GABRG3: variants seen among roughly 807,000 people sequenced by gnomAD.
GABRG3 encodes gamma-aminobutyric acid receptor subunit gamma-3.
A neutral mutation model predicts 48.8 loss-of-function variants in GABRG3; 25 were observed. The ratio of observed to expected loss-of-function variants is 0.51; its 90% CI spans 0.37 to 0.72. GABRG3 has a LOEUF of 0.72. Ranked by LOEUF, GABRG3 falls within the 30% of genes least tolerant of loss-of-function variation. The pLI is 0.00. For missense variants in GABRG3, 394 were observed against 577.9 expected (o/e 0.68, Z 3.26); for synonymous variants, 227 against 217.6 (o/e 1.04, Z -0.38).
At chr15:27,085,912 T>G (rs1418502443) in intron 3 of GABRG3, among the ~76,000 whole-genome samples, 2 of 152,184 alleles carry the variant, frequency 1.3e-5, no homozygotes, top group East Asian at 3.8e-4. Context: ...GCTTTTAGAT[T>G]CAGAATAGTG....
chr15:27,082,393 G>A (rs918478009), intron 3 of GABRG3, among the ~76,000 whole-genome samples: 1 of 152,154 alleles, frequency 6.6e-6, no homozygotes, highest in Admixed American at 6.5e-5. Context: ...GCATTTATGC[G>A]GGGAACGCAC....
chr15:27,384,214 C>G (rs560265813), intron 5 of GABRG3, among the ~76,000 whole-genome samples: 145 of 152,276 alleles, frequency 9.5e-4, no homozygotes, highest in African/African-American at 3.0e-3. Flanking sequence ...AGAAAATACC[C>G]AGGATACAGC....
chr15:27,033,256 C>T (rs1332059822), intron 3 of GABRG3, among the ~76,000 whole-genome samples: 1 of 152,028 alleles, frequency 6.6e-6, no homozygotes, highest in Non-Finnish European at 1.5e-5. Flanking sequence ...AAGTGGCGTG[C>T]AGGAAATGTT....
intron 5 of GABRG3, among the ~76,000 whole-genome samples, chr15:27,405,307 A>T (rs1887597208): frequency 6.6e-6 from 1 of 152,258 alleles, no homozygotes; most frequent in African/African-American, 2.4e-5. Flanking sequence ...ATCCATGATC[A>T]GTAGATAATG....
intron 5 of GABRG3, among the ~76,000 whole-genome samples, chr15:27,431,849 G>A (rs796652706): frequency 7.0e-4 from 106 of 152,182 alleles, no homozygotes; most frequent in African/African-American, 2.5e-3. Context: ...TTGCATTCAC[G>A]CTCTTGTTTA....
rs1362936209 is a variant in GABRG3, at chr15:27,231,145, C to T, written c.271-95664C>T. 6.6e-5 allele frequency among the ~76,000 whole-genome samples: 10 copies of T among 151,848 alleles called. 1 individual carries two copies. Among genetic ancestry groups the T allele is most frequent in the East Asian group, 1.9e-4 (1 of 5,188 alleles). ...ATCAAATATCCATATCTCAAACCTA[C>T]GTTTTTAGGTACATACATACAAGTG... On this transcript the variant is annotated intron_variant, in intron 3 of 9. Transcript: ENST00000615808.
chr15:27,444,766 T>C (rs1229213046), intron 5 of GABRG3, among the ~76,000 whole-genome samples: 2 of 152,248 alleles, frequency 1.3e-5, no homozygotes, highest in African/African-American at 4.8e-5. Context: ...TTTCACTCTC[T>C]ATTGGGAGTT....
intron 3 of GABRG3, among the ~76,000 whole-genome samples, chr15:27,239,762 C>T (rs1296698946): frequency 6.6e-6 from 1 of 152,084 alleles, no homozygotes; most frequent in Non-Finnish European, 1.5e-5. Context: ...TGCCATTTTT[C>T]TAAAAATGTA....
intron 3 of GABRG3, among the ~76,000 whole-genome samples, chr15:27,299,607 T>C (rs1400749839): frequency 6.6e-6 from 1 of 152,110 alleles, no homozygotes; most frequent in African/African-American, 2.4e-5. Context: ...TCCCATTTCC[T>C]CCATTCTCTC....
chr15:27,219,627 C>G (rs974409975), intron 3 of GABRG3, among the ~76,000 whole-genome samples: 1 of 152,162 alleles, frequency 6.6e-6, no homozygotes, highest in Admixed American at 6.5e-5. Flanking sequence ...ACCTCTGTGC[C>G]CACCAGGCAG....
intron 3 of GABRG3, among the ~76,000 whole-genome samples, chr15:27,210,596 A>G (rs926263390): frequency 3.9e-5 from 6 of 152,210 alleles, no homozygotes; most frequent in Non-Finnish European, 8.8e-5. Context: ...TGTGCCTGAT[A>G]AATGGAGACT....
intron 2 of GABRG3, among the ~76,000 whole-genome samples, chr15:27,000,019 T>C (rs1158933904): frequency 6.6e-6 from 1 of 152,196 alleles, no homozygotes; most frequent in Non-Finnish European, 1.5e-5. Context: ...TAAAATTTTT[T>C]CAACATATGG....
At chr15:27,471,613 T>C (rs973888575) in intron 5 of GABRG3, among the ~76,000 whole-genome samples, 5 of 152,216 alleles carry the variant, frequency 3.3e-5, no homozygotes. Context: ...AGTTAGGTCA[T>C]ATCTGTTTCC....
intron 5 of GABRG3, among the ~76,000 whole-genome samples, chr15:27,478,385 C>G (rs1453646018): frequency 2.0e-5 from 3 of 152,010 alleles, no homozygotes; most frequent in Non-Finnish European, 4.4e-5. Context: ...TACATATGGC[C>G]AACAAAAGCA....
At chr15:27,481,845 A>T (rs1205032489) in intron 6 of GABRG3, among the ~76,000 whole-genome samples, 1 of 152,152 alleles carries the variant, frequency 6.6e-6, no homozygotes, top group Admixed American at 6.5e-5. Flanking sequence ...ACGTTTTGGG[A>T]TGCTTGCTCC....
At chr15:26,980,151 C>T (rs139348016) in intron 2 of GABRG3, among the ~76,000 whole-genome samples, 36 of 152,062 alleles carry the variant, frequency 2.4e-4, no homozygotes, top group African/African-American at 6.8e-4. Context: ...TCTGTAGGAC[C>T]TATAATAATA....
intron 3 of GABRG3, among the ~76,000 whole-genome samples, chr15:27,275,962 G>T (rs1891238510): frequency 6.6e-6 from 1 of 152,200 alleles, no homozygotes. Flanking sequence ...CCTTCTGCAG[G>T]TTTCTGTTGA....
rs1894891383 is a variant in GABRG3 at position 26,974,026 on chromosome 15, C to T, written c.53+2438C>T. 6.6e-6 allele frequency among the ~76,000 whole-genome samples: 1 copy of T among 152,140 alleles called. No homozygotes were observed. The highest frequency in any genetic ancestry group is 2.1e-4 in the South Asian group (1 of 4,826). On this transcript the variant is annotated intron_variant, in intron 1 of 9. Transcript: ENST00000615808. The surrounding 1 kb of genome is among the most constrained non-coding windows in gnomAD (Gnocchi z 4.3). Reference sequence around the variant, plus strand: ...AGATGAGATTTCATTTTTGTCAAAGCAAGGATTTTCCTGTGGGCCTGGTGG... The same window carrying T: ...AGATGAGATTTCATTTTTGTCAAAGTAAGGATTTTCCTGTGGGCCTGGTGG...
At chr15:27,078,782 A>C (rs1896948788) in intron 3 of GABRG3, among the ~76,000 whole-genome samples, 1 of 152,192 alleles carries the variant, frequency 6.6e-6, no homozygotes, top group South Asian at 2.1e-4. Flanking sequence ...CTGGCCAGTA[A>C]AGTGGTCAGT....
Sources: allele counts gnomAD v4.1 joint callset (sites outside exome capture counted in the v4.1 genomes callset), GRCh38; gene constraint gnomAD v4.1.1; non-coding constraint Gnocchi (gnomAD v3.1); transcripts MANE v1.5; gene names NCBI Gene and HGNC (gene_info 2026-07-23, HGNC 2026-07-21).